The following RCC1 variants were observed in gnomAD, a reference collection of about 807,000 sequenced individuals.
RCC1 encodes regulator of chromosome condensation 1, also known as regulator of chromosome condensation.
A neutral mutation model predicts 44.4 loss-of-function variants in RCC1; 11 were observed. The observed-to-expected ratio is 0.25, with a 90% CI of 0.16 to 0.41. RCC1 has a LOEUF of 0.41. RCC1 is among the 10% of genes least tolerant of loss of function. The probability of loss-of-function intolerance (pLI) is 1.00; values close to 1 mark genes in which losing one functional copy is unlikely to be tolerated. For synonymous variants in RCC1, 213 were observed against 216.5 expected, an observed-to-expected ratio of 0.98 and a Z score of 0.14; for missense variants, 386 against 547.1, an observed-to-expected ratio of 0.71 and a Z score of 2.94.
intron 7 of RCC1, among the ~76,000 whole-genome samples, chr1:28,534,002 C>T (rs1254704652): frequency 2.0e-5 from 3 of 149,906 alleles, no homozygotes; most frequent in South Asian, 4.2e-4. Context: ...CTCAGCCTCC[C>T]GAGTAGCTGG....
chr1:28,529,177 C>T (rs573421239), intron 4 of RCC1, among the ~76,000 whole-genome samples: 223 of 137,570 alleles, frequency 1.6e-3, no homozygotes, highest in Middle Eastern at 9.0e-3. Context: ...GCCACCGCGC[C>T]CAGGCTTTTT....
At chr1:28,518,305 C>T (rs1048121845) in intron 4 of RCC1, 1 of 152,304 alleles carries the variant, frequency 6.6e-6, no homozygotes, top group African/African-American at 2.4e-5. Context: ...CGACGTGCAC[C>T]AAGGTAGGTC....
chr1:28,507,234 C>T (rs923425552), intron 1 of RCC1: 1 of 431,426 alleles, frequency 2.3e-6, no homozygotes, highest in Non-Finnish European at 4.6e-6. Context: ...GTCTAGAAAC[C>T]GATTTTTTTT....
chr1:28,530,403 A>G, intron 5 of RCC1: 1 of 782,438 alleles, frequency 1.3e-6, no homozygotes, highest in Non-Finnish European at 2.0e-6. Context: ...CATTTGAGGG[A>G]GGTGGCTGTG....
intron 1 of RCC1, chr1:28,507,600 CTTT>C (rs34452349): frequency 0.027 from 8,873 of 327,596 alleles, 3 homozygotes; most frequent in Middle Eastern, 0.044. Context: ...GGATTGAAGT[CTTT>C]TTTTTTTTTT....
intron 3 of RCC1, 74 bp downstream of exon 3, chr1:28,508,979 A>T (rs896694126): frequency 2.2e-6 from 1 of 450,294 alleles, no homozygotes; most frequent in East Asian, 6.5e-5. Context: ...ATTGAGGTGC[A>T]TTTCATGCCT....
chr1:28,518,543 G>A (rs1288409151), intron 4 of RCC1: 1 of 148,854 alleles, frequency 6.7e-6, no homozygotes, highest in African/African-American at 2.4e-5. Flanking sequence ...TGGAGCTAGG[G>A]CCGCGCGGCC....
intron 3 of RCC1, chr1:28,509,344 C>T (rs1193031819): frequency 4.1e-5 from 7 of 169,856 alleles, no homozygotes; most frequent in South Asian, 1.4e-4. Context: ...CAGGTTCAGG[C>T]GATTCTCCTG....
intron 5 of RCC1, among the ~76,000 whole-genome samples, chr1:28,530,812 C>G (rs984200252): frequency 3.3e-5 from 5 of 152,190 alleles, no homozygotes; most frequent in Non-Finnish European, 5.9e-5. Context: ...CCTCCTGCCT[C>G]TCCACTGGAT....
chr1:28,527,162 C>T, intron 4 of RCC1: 1 of 1,263,532 alleles, frequency 7.9e-7, no homozygotes, highest in Non-Finnish European at 1.1e-6. Flanking sequence ...CAGAAATGCC[C>T]CCAAGGAATG....
chr1:28,530,038 G>A, intron 5 of RCC1, 99 bp downstream of exon 5: 1 of 918,716 alleles, frequency 1.1e-6, no homozygotes, highest in Middle Eastern at 3.2e-4. Context: ...AAGCTGAAGG[G>A]TGTGGATGTG....
chr1:28,528,027 A>C (rs954423972), intron 4 of RCC1, among the ~76,000 whole-genome samples: 1 of 148,206 alleles, frequency 6.7e-6, no homozygotes, highest in Admixed American at 6.7e-5. Context: ...AAAAAAAAAA[A>C]ACATGTAATC....
Position 28,536,705 on chromosome 1 carries a change from C to CA in RCC1, c.938-41dup, listed in dbSNP as rs754404354. The CA allele has an allele frequency of 4.0e-5, 64 of 1,603,920 alleles. No individual in the cohort carries two copies. The Admixed American group carries it at 9.2e-4, about 23-fold the overall frequency. On this transcript the variant is annotated intron_variant, in intron 11 of 12. Transcript: ENST00000683442. This position sits in a 1 kb window ranked among gnomAD's most constrained non-coding sequence, Gnocchi z 4.9. ...AGCCTGCCACCCATTTTGCCTGTAG[C>CA]ACGCCCTCTGCTATTGCTCATCTCT...
In RCC1 at chr1:28,536,634, C is replaced by T. The variant is rs1177201073; in HGVS notation, c.938-113C>T. ...GAGACACTGCAGATCTCCTTCTGAT[C>T]GCTCTGGGAGCAGGGACACACTCCC... On this transcript the variant is annotated intron_variant, in intron 11 of 12. Coordinates refer to ENST00000683442, the MANE Select transcript of RCC1 (RefSeq NM_001381865.2). The surrounding 1 kb of genome is among the most constrained non-coding windows in gnomAD (Gnocchi z 4.9). 9.8e-6 allele frequency: 13 copies of T among 1,321,354 alleles called. No individual in the cohort carries two copies. Among genetic ancestry groups the T allele is most frequent in the South Asian group, 5.3e-5 (4 of 75,202 alleles). 81.9% of individuals were successfully genotyped at this position (1,321,354 alleles called of 1,614,324 possible). A position where few individuals can be genotyped will look rare whatever the true frequency, so the allele number is the denominator to read the frequency against.
Position 28,535,098 on chromosome 1 carries a change from G to A in RCC1, c.490G>A (p.Val164Met), listed in dbSNP as rs1307212951. 5 of 1,614,054 alleles carry A rather than the reference G, an allele frequency of 3.1e-6. No individual in the cohort carries two copies. The highest frequency in any genetic ancestry group is 1.6e-4 in the Middle Eastern group (1 of 6,084). ...GLLEPMKKSM[V>M]PVQVQLDVPV... ...GTTGGAGCCCATGAAGAAGAGCATG[G>A]TGCCTGTGCAGGTGCAGCTGGATGT... The change falls in exon 8 of 13, where the codon GTG (valine) becomes ATG (methionine). Residue 164 changes from valine to methionine, a missense_variant. Val to Met is a conservative substitution (Grantham distance 21, BLOSUM62 1). Coordinates refer to ENST00000683442, the MANE Select transcript of RCC1 (RefSeq NM_001381865.2).
intron 3 of RCC1, chr1:28,509,828 C>A (rs1662366992): frequency 6.6e-6 from 1 of 152,100 alleles, no homozygotes; most frequent in African/African-American, 2.4e-5. Flanking sequence ...ACCAATAGGA[C>A]CGTAAGTCTG....
At chr1:28,526,903 A>G (rs1663702422) in intron 4 of RCC1, 2 of 759,136 alleles carry the variant, frequency 2.6e-6, no homozygotes, top group African/African-American at 1.8e-5. Context: ...TCTCGGAAAA[A>G]AAAAAAAAAA....
In RCC1 at chr1:28,506,044, C is replaced by CT. The variant is rs1557862621; in HGVS notation, c.-297dup. On this transcript the variant is annotated 5_prime_UTR_variant, in exon 1 of 13. Coordinates refer to ENST00000683442, the MANE Select transcript of RCC1 (RefSeq NM_001381865.2). ...AAGGATGCTTCGCGTTTTCTCTCTC[C>CT]TTTTTGGAGACAGATTCGCAGTGGT... The CT allele has an allele frequency of 1.1e-5, 5 of 454,660 alleles. No homozygotes were observed. The highest frequency in any genetic ancestry group is 6.2e-5 in the South Asian group (4 of 64,564). The allele number at this position is 454,660 out of a possible 1,614,324, so 28.2% of individuals were successfully genotyped here. A position where few individuals can be genotyped will look rare whatever the true frequency, so the allele number is the denominator to read the frequency against.
intron 4 of RCC1, among the ~76,000 whole-genome samples, chr1:28,522,789 T>C (rs1355783644): frequency 6.6e-6 from 1 of 151,852 alleles, no homozygotes; most frequent in East Asian, 1.9e-4. Flanking sequence ...CACTACAGCC[T>C]GGGCAACAGA....
Sources: gnomAD v4.1 joint callset for allele counts (sites outside exome capture counted in the v4.1 genomes callset) on GRCh38, gnomAD v4.1.1 for gene constraint, Gnocchi (gnomAD v3.1) non-coding constraint, MANE v1.5 for transcripts, NCBI Gene and HGNC (gene_info 2026-07-23, HGNC 2026-07-21) for gene names.